Variants in SBF2 observed in about 807,000 individuals in gnomAD.
SBF2 encodes SET binding factor 2, also known as myotubularin-related protein 13.
Under a neutral mutation model 225.2 loss-of-function variants are expected in SBF2, and 112 were observed. The ratio of observed to expected loss-of-function variants is 0.50; its 90% CI spans 0.43 to 0.58. The LOEUF (loss-of-function observed/expected upper bound fraction) is 0.58. Ranked by LOEUF, SBF2 falls within the 20% of genes least tolerant of loss-of-function variation. The pLI is 0.00. For synonymous variants in SBF2, 763 were observed against 773.3 expected, an observed-to-expected ratio of 0.99 and a Z score of 0.22; for missense variants, 1,996 against 2,206.2, an observed-to-expected ratio of 0.90 and a Z score of 1.91.
At chr11:9,931,499 G>A (rs1864496617) in intron 16 of SBF2, among the ~76,000 whole-genome samples, 1 of 152,150 alleles carries the variant, frequency 6.6e-6, no homozygotes, top group Admixed American at 6.5e-5. Context: ...GTCTGGAGTG[G>A]ACCTCCAGCA....
rs563262322 is a variant in SBF2 at position 10,119,899 on chromosome 11, C to A, written c.141+74003G>T. Among the ~76,000 whole-genome samples the A allele has an allele frequency of 1.1e-4, 16 of 152,264 alleles. No individual in the cohort carries two copies. The South Asian group carries it at 2.9e-3, about 28-fold the overall frequency. ...TCTCAAATTGTATAAATCAGAATAT[C>A]TTGGCAGTCGGGCCTTAGAATCAAT... On this transcript the variant is annotated intron_variant, in intron 2 of 39. Coordinates refer to ENST00000256190, the MANE Select transcript of SBF2 (RefSeq NM_030962.4).
chr11:9,841,596 A>C (rs1856154043), intron 25 of SBF2, among the ~76,000 whole-genome samples: 1 of 151,752 alleles, frequency 6.6e-6, no homozygotes. Context: ...GCAGTGGTGC[A>C]ATCTCGGCTC....
intron 13 of SBF2, among the ~76,000 whole-genome samples, chr11:9,982,065 T>C (rs922945222): frequency 5.9e-5 from 9 of 152,262 alleles, no homozygotes; most frequent in Admixed American, 2.0e-4. Context: ...AATAGTTATT[T>C]CACACTTTAT....
At chr11:10,081,240 T>C (rs573346408) in intron 2 of SBF2, among the ~76,000 whole-genome samples, 35 of 152,254 alleles carry the variant, frequency 2.3e-4, no homozygotes, top group African/African-American at 7.9e-4. Flanking sequence ...TGGACCACAG[T>C]GGAATAAAAC....
chr11:10,090,027 G>A (rs1951715739), intron 2 of SBF2, among the ~76,000 whole-genome samples: 1 of 152,148 alleles, frequency 6.6e-6, no homozygotes, highest in Non-Finnish European at 1.5e-5. Context: ...TCTGATACAT[G>A]CCACAACCTG....
At position 10,258,972 on chromosome 11, in the gene SBF2, G is replaced by A. The variant is rs986217370; in HGVS notation, c.55+35043C>T. On this transcript the variant is annotated intron_variant, in intron 1 of 39. Transcript: ENST00000256190. ...AGGGGCAGGGAACAGAGAAGGCATA[G>A]AGAAAAGTAAGAGATGGACTCTGTT... Among the ~76,000 whole-genome samples the A allele has an allele frequency of 8.5e-5, 13 of 152,306 alleles. No homozygotes were observed. The East Asian group carries it at 2.5e-3, about 29-fold the overall frequency.
chr11:10,248,566 C>T (rs930099653), intron 1 of SBF2, among the ~76,000 whole-genome samples: 1 of 151,974 alleles, frequency 6.6e-6, no homozygotes, highest in African/African-American at 2.4e-5. Flanking sequence ...AGGTTTTTCA[C>T]CAAAAGTAAA....
At chr11:9,952,005 C>T (rs1865886883) in intron 16 of SBF2, among the ~76,000 whole-genome samples, 1 of 152,196 alleles carries the variant, frequency 6.6e-6, no homozygotes, top group African/African-American at 2.4e-5. Context: ...AAACGTCAAC[C>T]TCCACATCTT....
At chr11:9,907,500 TA>T (rs1862209123) in intron 16 of SBF2, among the ~76,000 whole-genome samples, 1 of 152,146 alleles carries the variant, frequency 6.6e-6, no homozygotes, top group Non-Finnish European at 1.5e-5. Flanking sequence ...AAGCAAAAAA[TA>T]GGCAAAAGGA....
At chr11:9,903,561 G>A (rs1224603491) in intron 16 of SBF2, among the ~76,000 whole-genome samples, 1 of 152,184 alleles carries the variant, frequency 6.6e-6, no homozygotes, top group Non-Finnish European at 1.5e-5. Flanking sequence ...ACCGAGGCAA[G>A]TTTCAGAGCA....
chr11:10,102,382 A>G (rs777662745), intron 2 of SBF2, among the ~76,000 whole-genome samples: 1 of 152,212 alleles, frequency 6.6e-6, no homozygotes, highest in Non-Finnish European at 1.5e-5. Context: ...TCAAAAATAA[A>G]AGTTGCTAAG....
At chr11:10,217,925 A>C (rs1322738709) in intron 1 of SBF2, among the ~76,000 whole-genome samples, 1 of 151,936 alleles carries the variant, frequency 6.6e-6, no homozygotes, top group East Asian at 1.9e-4. Context: ...TTTGAGATGG[A>C]GTCTCGCTCT....
At chr11:9,866,913 ATGAT>A (rs1858272229) in intron 17 of SBF2, among the ~76,000 whole-genome samples, 1 of 152,196 alleles carries the variant, frequency 6.6e-6, no homozygotes, top group Admixed American at 6.5e-5. Context: ...AAAAGGGCAA[ATGAT>A]TGAGCAGACA....
At chr11:9,953,401 C>T (rs905407759) in intron 16 of SBF2, among the ~76,000 whole-genome samples, 2 of 152,118 alleles carry the variant, frequency 1.3e-5, no homozygotes, top group Non-Finnish European at 2.9e-5. Context: ...CGAGATCACG[C>T]CACTGCATTC....
chr11:9,914,203 T>C (rs988066060), intron 16 of SBF2, among the ~76,000 whole-genome samples: 4 of 152,152 alleles, frequency 2.6e-5, no homozygotes, highest in East Asian at 3.9e-4. Flanking sequence ...CTGGATAAAG[T>C]AGACAGCACA....
intron 22 of SBF2, among the ~76,000 whole-genome samples, chr11:9,849,113 T>G (rs572275019): frequency 6.6e-6 from 1 of 152,322 alleles, no homozygotes; most frequent in Non-Finnish European, 1.5e-5. Flanking sequence ...CACAGATGCC[T>G]GGGTCTCCCT....
At chr11:10,227,626 A>G (rs990678151) in intron 1 of SBF2, among the ~76,000 whole-genome samples, 1 of 152,148 alleles carries the variant, frequency 6.6e-6, no homozygotes, top group African/African-American at 2.4e-5. Context: ...AAGATCAGAT[A>G]GTTGTAGATA....
At chr11:10,266,917 C>T (rs376930522) in intron 1 of SBF2, among the ~76,000 whole-genome samples, 10 of 152,086 alleles carry the variant, frequency 6.6e-5, no homozygotes, top group African/African-American at 1.9e-4. Flanking sequence ...AGTAAAACCC[C>T]GTCTCTACCG....
At chr11:10,281,760 A>G (rs1393426281) in intron 1 of SBF2, among the ~76,000 whole-genome samples, 2 of 152,186 alleles carry the variant, frequency 1.3e-5, no homozygotes, top group Non-Finnish European at 2.9e-5. Context: ...CATCTTTTGA[A>G]GTCTCCACTT....
Sources: allele counts gnomAD v4.1 joint callset (sites outside exome capture counted in the v4.1 genomes callset), GRCh38; gene constraint gnomAD v4.1.1; transcripts MANE v1.5; gene names NCBI Gene and HGNC (gene_info 2026-07-23, HGNC 2026-07-21).